The following SOS1 variants were observed in gnomAD, a reference collection of about 807,000 sequenced individuals.
The protein encoded by SOS1 is SOS Ras/Rac guanine nucleotide exchange factor 1.
Under a neutral mutation model 157.6 loss-of-function variants are expected in SOS1, and 25 were observed. The ratio of observed to expected loss-of-function variants is 0.16; its 90% CI spans 0.12 to 0.22. SOS1 has a LOEUF of 0.22. Ranked by LOEUF, SOS1 falls within the 10% of genes least tolerant of loss-of-function variation. The probability of loss-of-function intolerance (pLI) is 1.00; values close to 1 mark genes in which losing one functional copy is unlikely to be tolerated. For missense variants in SOS1, 1,237 were observed against 1,599.1 expected, an observed-to-expected ratio of 0.77 and a Z score of 3.86; for synonymous variants, 528 against 534.0, an observed-to-expected ratio of 0.99 and a Z score of 0.16.
intron 17 of SOS1, among the ~76,000 whole-genome samples, chr2:39,003,167 G>T (rs1190279487): frequency 6.6e-6 from 1 of 151,582 alleles, no homozygotes; most frequent in African/African-American, 2.4e-5. Flanking sequence ...GATAATTAGA[G>T]ACCTTATCTT....
At chr2:39,062,497 A>G (rs1671443544) in intron 2 of SOS1, among the ~76,000 whole-genome samples, 3 of 125,542 alleles carry the variant, frequency 2.4e-5, no homozygotes, top group South Asian at 4.6e-4. Context: ...ATTCCAAGGG[A>G]AAAAAAGCTA....
At chr2:39,066,590 T>C (rs1169986540) in intron 2 of SOS1, among the ~76,000 whole-genome samples, 4 of 152,224 alleles carry the variant, frequency 2.6e-5, no homozygotes, top group African/African-American at 9.6e-5. Context: ...CCTTTCATGG[T>C]TTCCCATATA....
intron 20 of SOS1, chr2:38,992,403 C>G (rs971374455): frequency 2.0e-5 from 3 of 152,152 alleles, no homozygotes; most frequent in African/African-American, 7.2e-5. Flanking sequence ...AGAAAACCCT[C>G]AAGTCTAAGA....
rs1454223 is a variant in SOS1 at position 38,997,210 on chromosome 2, G to T, written c.2964+43C>A. 1,386,959 of 1,491,398 alleles carry T rather than the reference G, an allele frequency of 0.93. 645,815 individuals are homozygous for T. The highest frequency in any genetic ancestry group is 0.96 in the African/African-American group (69,479 of 72,184). 92.4% of individuals were successfully genotyped at this position (1,491,398 alleles called of 1,614,324 possible). The stretch of plus-strand genomic sequence containing the variant: ...AACCTGCCTTTTATTAAGTAGTTTA[G>T]AAACTTAATCAGAAGTATGAATCTT... On this transcript the variant is annotated intron_variant, in intron 18 of 22. Coordinates refer to ENST00000402219, the MANE Select transcript of SOS1 (RefSeq NM_005633.4).
chr2:38,999,007 G>A (rs1206269708), intron 17 of SOS1, among the ~76,000 whole-genome samples: 1 of 152,198 alleles, frequency 6.6e-6, no homozygotes, highest in East Asian at 1.9e-4. Context: ...ATACTAGGAG[G>A]TGCTATATTA....
intron 20 of SOS1, chr2:38,993,581 G>C (rs749982805): frequency 6.6e-6 from 1 of 152,068 alleles, no homozygotes; most frequent in Non-Finnish European, 1.5e-5. Context: ...TACTACCAAA[G>C]AATTATTTTA....
rs192656329 is a variant in SOS1, at chr2:39,045,342, C to G, written c.864+5802G>C. ...TTAGTCTAATCTTCTGTGGCCTAATCTTTTTTGTTTGATCTTTTAATTTCT... is the reference window on the plus strand; with the variant it reads ...TTAGTCTAATCTTCTGTGGCCTAATGTTTTTTGTTTGATCTTTTAATTTCT... On this transcript the variant is annotated intron_variant, in intron 6 of 22. Coordinates refer to ENST00000402219, the MANE Select transcript of SOS1 (RefSeq NM_005633.4). Among the ~76,000 whole-genome samples, 30 of 149,734 alleles carry G rather than the reference C, an allele frequency of 2.0e-4. 1 individual carries two copies. The East Asian group carries it at 4.2e-3, about 21-fold the overall frequency.
chr2:39,040,034 T>C (rs1307239866), intron 6 of SOS1, among the ~76,000 whole-genome samples: 1 of 152,056 alleles, frequency 6.6e-6, no homozygotes, highest in Non-Finnish European at 1.5e-5. Context: ...TTTTTTGAGA[T>C]GGAGTCTTGC....
intron 1 of SOS1, 81 bp downstream of exon 1, chr2:39,120,255 C>T: frequency 7.9e-7 from 1 of 1,271,572 alleles, no homozygotes; most frequent in Non-Finnish European, 1.0e-6. Context: ...CGGCCCTGCG[C>T]GCGCCCCGCC....
At chr2:39,083,257 A>T (rs1292076090) in intron 1 of SOS1, among the ~76,000 whole-genome samples, 5 of 152,118 alleles carry the variant, frequency 3.3e-5, no homozygotes, top group African/African-American at 9.7e-5. Flanking sequence ...TCCCAGTCCA[A>T]GGTGGACAGG....
intron 6 of SOS1, among the ~76,000 whole-genome samples, chr2:39,049,521 T>G (rs1427784709): frequency 1.3e-5 from 2 of 152,214 alleles, no homozygotes; most frequent in Non-Finnish European, 2.9e-5. Context: ...TTTAAACTTT[T>G]TGTATGTCTA....
chr2:39,104,955 T>G (rs1229986964), intron 1 of SOS1, among the ~76,000 whole-genome samples: 3 of 152,200 alleles, frequency 2.0e-5, no homozygotes, highest in Non-Finnish European at 4.4e-5. Context: ...TGAATGTAAT[T>G]AATGGCCTTC....
chr2:39,006,954 A>T, intron 16 of SOS1, 77 bp downstream of exon 16: 1 of 942,516 alleles, frequency 1.1e-6, no homozygotes, highest in Non-Finnish European at 1.7e-6. Flanking sequence ...TTAAAAATTA[A>T]AGATAATAAT....
At chr2:39,005,138 G>A (rs925941460) in intron 17 of SOS1, among the ~76,000 whole-genome samples, 3 of 152,200 alleles carry the variant, frequency 2.0e-5, no homozygotes, top group Admixed American at 1.3e-4. Context: ...ACATACGTAT[G>A]AGCTTAATTT....
rs749055121 is a variant in SOS1 at position 38,995,204 on chromosome 2, G to A, written c.3265C>T (p.Pro1089Ser). 6.2e-7 allele frequency: 1 copy of A among 1,613,840 alleles called. No individual in the cohort carries two copies. Among genetic ancestry groups the A allele is most frequent in the Non-Finnish European group, 8.5e-7 (1 of 1,179,882 alleles). The change falls in exon 20 of 23, where the codon CCT (proline) becomes TCT (serine). Residue 1089 changes from proline (P) to serine (S), a missense_variant. Physicochemically the swap from Pro to Ser is moderately conservative, Grantham distance 74. Around this residue, in one of 15 missense-constraint regions of SOS1, gnomAD observed 306 missense variants for 322.6 expected, o/e 0.95. Transcript: ENST00000402219. ...APNSPRTPLT[P>S]PPASGASSTT... is the part of the protein sequence containing the mutation. ...CTGGAAGCACCAGAAGCAGGCGGAGGTGTTAACGGTGTTCTTGGAGAATTT... is the reference window on the plus strand; with the variant it reads ...CTGGAAGCACCAGAAGCAGGCGGAGATGTTAACGGTGTTCTTGGAGAATTT...
chr2:39,042,712 ATT>A (rs200188697), intron 6 of SOS1, among the ~76,000 whole-genome samples: 39 of 132,552 alleles, frequency 2.9e-4, no homozygotes, highest in Non-Finnish European at 3.9e-4. Flanking sequence ...TAATTTTATG[ATT>A]TTTTTTTTTT....
At chr2:39,082,312 A>C (rs970070051) in intron 1 of SOS1, among the ~76,000 whole-genome samples, 1 of 152,212 alleles carries the variant, frequency 6.6e-6, no homozygotes, top group African/African-American at 2.4e-5. Flanking sequence ...CACATATGCT[A>C]AGCAGTATAG....
chr2:39,088,931 A>G (rs1672478699), intron 1 of SOS1, among the ~76,000 whole-genome samples: 1 of 152,156 alleles, frequency 6.6e-6, no homozygotes, highest in Non-Finnish European at 1.5e-5. Flanking sequence ...CCCACCAGCA[A>G]TGCACAGTTT....
At position 39,024,128 on chromosome 2, in the gene SOS1, C is replaced by T; in HGVS notation, c.1084G>A (p.Glu362Lys). 6.2e-7 allele frequency: 1 copy of T among 1,611,248 alleles called. No homozygotes were observed. Among genetic ancestry groups the T allele is most frequent in the Non-Finnish European group, 8.5e-7 (1 of 1,177,758 alleles). The stretch of plus-strand genomic sequence containing the variant: ...TTGTCTTCTTGATCTTCACTTTTTT[C>T]TTCTAACTGCTGTAAAGCCAAAATG... ...HYFELLKQLE[E>K]KSEDQEDKEC... Residue 362 changes from glutamate (E) to lysine (K), a missense_variant, in exon 9 of 23, where the codon GAA becomes AAA. This residue lies in a region of SOS1 where 101 missense variants were observed against 171.5 expected (regional missense o/e 0.59). Coordinates refer to ENST00000402219, the MANE Select transcript of SOS1 (RefSeq NM_005633.4).
Sources: allele counts gnomAD v4.1 joint callset (sites outside exome capture counted in the v4.1 genomes callset), GRCh38; gene constraint gnomAD v4.1.1; regional missense constraint gnomAD v4.1.1; transcripts MANE v1.5; gene names NCBI Gene and HGNC (gene_info 2026-07-23, HGNC 2026-07-21).